APOH: variants seen among roughly 807,000 people sequenced by gnomAD.
APOH encodes the protein beta-2-glycoprotein 1.
A neutral mutation model predicts 39.8 loss-of-function variants in APOH; 48 were observed. That is an observed-to-expected ratio of 1.21 (90% CI 0.96 to 1.54). The LOEUF (loss-of-function observed/expected upper bound fraction) is 1.54. APOH is among the 40% of genes most tolerant of loss of function. The pLI is 0.00. For synonymous variants in APOH, 153 were observed against 151.1 expected (o/e 1.01, Z -0.09); for missense variants, 415 against 421.2 (o/e 0.99, Z 0.13).
intron 6 of APOH, among the ~76,000 whole-genome samples, chr17:66,216,266 T>C (rs1033521632): frequency 6.6e-6 from 1 of 151,716 alleles, no homozygotes; most frequent in Non-Finnish European, 1.5e-5. Flanking sequence ...GCGGATCACC[T>C]GAGGTCAGGA....
intron 3 of APOH, among the ~76,000 whole-genome samples, chr17:66,224,697 GGAAAGGAAAGGAAAGGAAA>G: frequency 1.8e-5 from 1 of 56,350 alleles, no homozygotes; most frequent in Non-Finnish European, 3.9e-5. Flanking sequence ...GGAAGGGAAA[GGAAAGGAAAGGAAAGGAAA>G]GGAAAGGAAA....
intron 4 of APOH, among the ~76,000 whole-genome samples, chr17:66,222,317 G>A (rs560037729): frequency 3.3e-5 from 5 of 152,114 alleles, no homozygotes; most frequent in East Asian, 3.9e-4. Context: ...CCAGGAGATC[G>A]AAGTTACAGT....
rs754428564 is a variant in APOH, at chr17:66,220,724, G to A, written c.434C>T (p.Pro145Leu). 6.2e-7 allele frequency: 1 copy of A among 1,610,016 alleles called. No homozygotes were observed. Among genetic ancestry groups the A allele is most frequent in the East Asian group, 2.2e-5 (1 of 44,764 alleles). ...AAGTGTTGCAAACGTAGGTATGGAT[G>A]GTGGAGGGCAGATGATGGCTGGGAA... ...PVCAPIICPP[P>L]SIPTFATLRV... Residue 145 changes from proline to leucine, a missense_variant, in exon 5 of 8, where the codon CCA (proline) becomes CTA (leucine). Physicochemically the swap from Pro to Leu is moderately conservative, Grantham distance 98. This residue lies in a region of APOH where 288 missense variants were observed against 284.9 expected (regional missense o/e 1.01). Transcript: ENST00000205948.
rs192373040 is a variant in APOH at position 66,226,799 on chromosome 17, C to G, written c.242-675G>C. 3.6e-3 allele frequency among the ~76,000 whole-genome samples: 548 copies of G among 152,188 alleles called. 4 individuals carry two copies. The highest frequency in any genetic ancestry group is 0.013 in the African/African-American group (530 of 41,548). On this transcript the variant is annotated intron_variant, in intron 2 of 7. Coordinates refer to ENST00000205948, the MANE Select transcript of APOH (RefSeq NM_000042.3). Reference sequence around the variant, plus strand: ...AGAAAAATACAAAATTATACCTGCTCTCTGCAGTAATGCAAAAAGATATGC... The same window carrying G: ...AGAAAAATACAAAATTATACCTGCTGTCTGCAGTAATGCAAAAAGATATGC...
chr17:66,221,363 G>A (rs1422459599), intron 4 of APOH, among the ~76,000 whole-genome samples: 2 of 111,410 alleles, frequency 1.8e-5, no homozygotes, highest in Non-Finnish European at 3.7e-5. Context: ...AAGAGGAGGG[G>A]AGGGGAGGGG....
At chr17:66,217,460 G>T (rs1028554862) in intron 5 of APOH, among the ~76,000 whole-genome samples, 4 of 151,000 alleles carry the variant, frequency 2.6e-5, no homozygotes, top group African/African-American at 9.8e-5. Flanking sequence ...AAGAAAAATG[G>T]TGCTGCTTCC....
intron 5 of APOH, among the ~76,000 whole-genome samples, chr17:66,220,018 G>A (rs1056847334): frequency 2.0e-5 from 3 of 152,292 alleles, no homozygotes; most frequent in South Asian, 4.1e-4. Context: ...AGTTAGAGAC[G>A]AAATAATTTT....
intron 7 of APOH, 70 bp from the exon 8 acceptor site, chr17:66,212,258 C>T: frequency 1.5e-6 from 2 of 1,330,632 alleles, no homozygotes; most frequent in Admixed American, 3.4e-5. Flanking sequence ...AATAGCTAAG[C>T]CAAACCAAAT....
chr17:66,225,876 C>CA (rs35151038), intron 3 of APOH, 152 bp downstream of exon 3: 75,298 of 422,170 alleles, frequency 0.18, 1,635 homozygotes, highest in African/African-American at 0.25. Flanking sequence ...GACTCCGTCT[C>CA]AAAAAAAAAA....
Position 66,225,933 on chromosome 17 carries a change from G to T in APOH, c.338+95C>A, listed in dbSNP as rs1598554267. Reference sequence around the variant, plus strand: ...TTGCATTTGAAAGTCCAACCTAAAGGCTGAAAACAAAATATAGACCAGTCT... The same window carrying T: ...TTGCATTTGAAAGTCCAACCTAAAGTCTGAAAACAAAATATAGACCAGTCT... On this transcript the variant is annotated intron_variant, in intron 3 of 7. Coordinates refer to ENST00000205948, the MANE Select transcript of APOH (RefSeq NM_000042.3). The T allele has an allele frequency of 7.4e-6, 6 of 806,090 alleles. No individual in the cohort carries two copies. The East Asian group carries it at 1.7e-4, about 23-fold the overall frequency. 49.9% of individuals were successfully genotyped at this position (806,090 alleles called of 1,614,324 possible). A position where few individuals can be genotyped will look rare whatever the true frequency, so the allele number is the denominator to read the frequency against.
At position 66,212,121 on chromosome 17, in the gene APOH, CTGA is replaced by C. The variant is rs1453573258; in HGVS notation, c.*9_*11del. 6.2e-7 allele frequency: 1 copy of C among 1,611,258 alleles called. No homozygotes were observed. Among genetic ancestry groups the C allele is most frequent in the South Asian group, 1.1e-5 (1 of 90,894 alleles). On this transcript the variant is annotated 3_prime_UTR_variant, in exon 8 of 8. Coordinates refer to ENST00000205948, the MANE Select transcript of APOH (RefSeq NM_000042.3). ...ACAAGTGTGACATTTTGTGTGGAAT[CTGA>C]AAACCACCTTAGCATGGCTTTACAT...
rs115281476 is a variant in APOH at position 66,223,607 on chromosome 17, G to A, written c.415+91C>T. ...GGGTGACCATTCATCTCATTGAGCTGTGACTGAAGAGATTCCAGATGTGAG... is the reference window on the plus strand; with the variant it reads ...GGGTGACCATTCATCTCATTGAGCTATGACTGAAGAGATTCCAGATGTGAG... On this transcript the variant is annotated intron_variant, in intron 4 of 7. Coordinates refer to ENST00000205948, the MANE Select transcript of APOH (RefSeq NM_000042.3). The A allele has an allele frequency of 1.3e-4, 144 of 1,103,968 alleles. No homozygotes were observed. In the African/African-American group the frequency reaches 2.1e-3, roughly 16 times the overall value. The allele number at this position is 1,103,968 out of a possible 1,614,324, so 68.4% of individuals were successfully genotyped here. A position where few individuals can be genotyped will look rare whatever the true frequency, so the allele number is the denominator to read the frequency against.
At chr17:66,222,623 G>A (rs1000601388) in intron 4 of APOH, among the ~76,000 whole-genome samples, 4 of 139,736 alleles carry the variant, frequency 2.9e-5, no homozygotes, top group Admixed American at 2.3e-4. Flanking sequence ...CCAGGCTGGA[G>A]TGCAATGGTG....
At chr17:66,228,248 A>G in intron 1 of APOH, 52 bp from the exon 2 acceptor site, 4 of 1,566,932 alleles carry the variant, frequency 2.6e-6, no homozygotes, top group Non-Finnish European at 3.5e-6. Flanking sequence ...TGCATTTTAA[A>G]GTTCAGCTAA....
intron 3 of APOH, among the ~76,000 whole-genome samples, chr17:66,225,071 A>G (rs2073431671): frequency 6.6e-6 from 1 of 152,232 alleles, no homozygotes; most frequent in African/African-American, 2.4e-5. Flanking sequence ...AAGGAAAAAA[A>G]AAAAAAGAAA....
rs1263610625 is a variant in APOH, at chr17:66,214,484, A to T, written c.951T>A (p.Asp317Glu). 1.2e-6 allele frequency: 2 copies of T among 1,614,096 alleles called. No homozygotes were observed. Among genetic ancestry groups the T allele is most frequent in the Non-Finnish European group, 1.7e-6 (2 of 1,180,010 alleles). ...CSYTEDAQCIDGTIEVPKCFK... is the reference protein window; with the variant it reads ...CSYTEDAQCIEGTIEVPKCFK... ...AGCATTTGGGGACTTCGATAGTGCC[A>T]TCTATACACTGAGCATCCTCTGTAT... The change falls in exon 7 of 8, where the codon GAT becomes GAA. Residue 317 changes from aspartate to glutamate, a missense_variant. This residue lies in a region of APOH where 120 missense variants were observed against 110.6 expected (regional missense o/e 1.08). Coordinates refer to ENST00000205948, the MANE Select transcript of APOH (RefSeq NM_000042.3).
At chr17:66,223,147 C>G (rs1358172939) in intron 4 of APOH, among the ~76,000 whole-genome samples, 1 of 152,190 alleles carries the variant, frequency 6.6e-6, no homozygotes. Flanking sequence ...GACTTTCCTC[C>G]TCGTCTGTCC....
At chr17:66,225,656 C>G (rs1272183691) in intron 3 of APOH, among the ~76,000 whole-genome samples, 1 of 152,098 alleles carries the variant, frequency 6.6e-6, no homozygotes, top group Non-Finnish European at 1.5e-5. Flanking sequence ...CCAATCCTTA[C>G]CCCACCCTCA....
chr17:66,225,935 T>C, intron 3 of APOH, 93 bp downstream of exon 3: 1 of 844,028 alleles, frequency 1.2e-6, no homozygotes, highest in South Asian at 2.1e-5. Context: ...ACCTAAAGGC[T>C]GAAAACAAAA....
Sources: allele counts gnomAD v4.1 joint callset (sites outside exome capture counted in the v4.1 genomes callset), GRCh38; gene constraint gnomAD v4.1.1; regional missense constraint gnomAD v4.1.1; transcripts MANE v1.5; gene names NCBI Gene and HGNC (gene_info 2026-07-23, HGNC 2026-07-21).